SLC38A12: variants seen among roughly 807,000 people sequenced by gnomAD.
SLC38A12 encodes the protein putative sodium-coupled neutral amino acid transporter 12.
At chr17:74,811,261 T>C in the SLC38A12 span, among the ~76,000 whole-genome samples, 2 of 151,672 alleles carry the variant, frequency 1.3e-5, no homozygotes, top group African/African-American at 4.9e-5. Flanking sequence ...GCCTGGGAGG[T>C]CAAGGCTGCA....
chr17:74,817,174 C>T, the SLC38A12 span, among the ~76,000 whole-genome samples: 2 of 152,108 alleles, frequency 1.3e-5, no homozygotes, highest in African/African-American at 2.4e-5. Flanking sequence ...TTAATTAGCC[C>T]CAGCTCGCAG....
At chr17:74,790,810 T>C in the SLC38A12 span, 2 of 603,978 alleles carry the variant, frequency 3.3e-6, no homozygotes. Flanking sequence ...TTAAACCATG[T>C]CAAGCAGGAA....
the SLC38A12 span, chr17:74,819,665 G>A: frequency 7.3e-7 from 1 of 1,361,862 alleles, no homozygotes; most frequent in Non-Finnish European, 1.0e-6. Flanking sequence ...TATGGGCGGA[G>A]GCCACGTGAG....
At chr17:74,828,814 A>G in the SLC38A12 span, among the ~76,000 whole-genome samples, 1 of 152,150 alleles carries the variant, frequency 6.6e-6, no homozygotes, top group African/African-American at 2.4e-5. Context: ...AGGGCAGATG[A>G]CAGGGTTAGA....
At chr17:74,784,001 A>C in the SLC38A12 span, among the ~76,000 whole-genome samples, 1 of 151,764 alleles carries the variant, frequency 6.6e-6, no homozygotes, top group African/African-American at 2.4e-5. Flanking sequence ...TGCCAGGATT[A>C]CAGGCATGAG....
At chr17:74,819,088 A>C in the SLC38A12 span, among the ~76,000 whole-genome samples, 1 of 152,122 alleles carries the variant, frequency 6.6e-6, no homozygotes, top group African/African-American at 2.4e-5. Context: ...TCAGCCCAGA[A>C]CTTCTTTGCC....
chr17:74,832,666 G>A, the SLC38A12 span, among the ~76,000 whole-genome samples: 1 of 152,270 alleles, frequency 6.6e-6, no homozygotes, highest in Non-Finnish European at 1.5e-5. Flanking sequence ...ATGCAGCCGA[G>A]CTGCCACACA....
chr17:74,808,644 A>G, the SLC38A12 span, among the ~76,000 whole-genome samples: 1 of 152,106 alleles, frequency 6.6e-6, no homozygotes, highest in African/African-American at 2.4e-5. Flanking sequence ...CCAGGTAGAG[A>G]AGGGTGTCAT....
At chr17:74,785,329 C>T in the SLC38A12 span, among the ~76,000 whole-genome samples, 5 of 152,216 alleles carry the variant, frequency 3.3e-5, no homozygotes, top group African/African-American at 1.2e-4. Context: ...CCTTAGGCCC[C>T]AGGTGTAATT....
At chr17:74,804,453 G>A in the SLC38A12 span, among the ~76,000 whole-genome samples, 1 of 152,250 alleles carries the variant, frequency 6.6e-6, no homozygotes, top group Non-Finnish European at 1.5e-5. Flanking sequence ...AGAGAGGTGC[G>A]AGGGACTCGG....
At chr17:74,806,246 A>G in the SLC38A12 span, among the ~76,000 whole-genome samples, 1 of 152,076 alleles carries the variant, frequency 6.6e-6, no homozygotes, top group Non-Finnish European at 1.5e-5. Context: ...GCCTGGCCCC[A>G]ACAGTGGTAG....
chr17:74,821,396 G>C, the SLC38A12 span, among the ~76,000 whole-genome samples: 1 of 152,178 alleles, frequency 6.6e-6, no homozygotes, highest in East Asian at 1.9e-4. Context: ...AGTGAGTGCC[G>C]TTCCCAAATT....
chr17:74,777,977 A>G, the SLC38A12 span, among the ~76,000 whole-genome samples: 1 of 152,244 alleles, frequency 6.6e-6, no homozygotes, highest in African/African-American at 2.4e-5. Flanking sequence ...TGCCCTTCAG[A>G]TGAACAGTGA....
the SLC38A12 span, chr17:74,836,159 C>T: frequency 6.8e-6 from 11 of 1,613,708 alleles, no homozygotes; most frequent in Non-Finnish European, 7.6e-6. This position sits in a 1 kb window ranked among gnomAD's most constrained non-coding sequence, Gnocchi z 4.2. Flanking sequence ...ACGGCCTCCT[C>T]TCCTTCACCG....
At chr17:74,781,959 G>A in the SLC38A12 span, among the ~76,000 whole-genome samples, 33 of 152,122 alleles carry the variant, frequency 2.2e-4, no homozygotes, top group African/African-American at 5.8e-4. Context: ...TCTCTCCCTC[G>A]TCTATTGCCT....
the SLC38A12 span, chr17:74,785,605 TGA>T: frequency 2.4e-5 from 38 of 1,612,670 alleles, no homozygotes; most frequent in South Asian, 4.1e-4. Flanking sequence ...CTTCATGAGG[TGA>T]GAGGCAGCGG....
At chr17:74,788,651 C>T in the SLC38A12 span, 2 of 636,610 alleles carry the variant, frequency 3.1e-6, no homozygotes, top group Middle Eastern at 2.5e-4. Flanking sequence ...CAAGTAAAGC[C>T]CATCTCTAGG....
the SLC38A12 span, chr17:74,790,365 G>T: frequency 7.1e-7 from 1 of 1,406,328 alleles, no homozygotes; most frequent in Non-Finnish European, 1.0e-6. Context: ...TTCATGGAGA[G>T]GGCCCTGGAG....
At chr17:74,831,134 C>G in the SLC38A12 span, among the ~76,000 whole-genome samples, 4 of 152,364 alleles carry the variant, frequency 2.6e-5, no homozygotes, top group East Asian at 7.7e-4. Context: ...GGACCCCCAC[C>G]ACGTGCCTCC....
Sources: gnomAD v4.1 joint callset for allele counts (sites outside exome capture counted in the v4.1 genomes callset) on GRCh38, gnomAD v4.1.1 for gene constraint, Gnocchi (gnomAD v3.1) non-coding constraint, MANE v1.5 for transcripts, NCBI Gene and HGNC (gene_info 2026-07-23, HGNC 2026-07-21) for gene names.